DCUN1D4: variants seen among roughly 807,000 people sequenced by gnomAD.
DCUN1D4 encodes DCN1-like protein 4.
Under a neutral mutation model 47.9 loss-of-function variants are expected in DCUN1D4, and 22 were observed. That is an observed-to-expected ratio of 0.46 (90% CI 0.33 to 0.66). The LOEUF (loss-of-function observed/expected upper bound fraction) is 0.66, where lower values mean the gene tolerates loss of function less well. DCUN1D4 is among the 30% of genes least tolerant of loss of function. The pLI, the probability that DCUN1D4 is intolerant of heterozygous loss-of-function variation, is 0.02. For missense variants in DCUN1D4, 301 were observed against 340.8 expected, an observed-to-expected ratio of 0.88 and a Z score of 0.92; for synonymous variants, 121 against 112.2, an observed-to-expected ratio of 1.08 and a Z score of -0.50.
chr4:51,908,086 A>G (rs1733164620), intron 8 of DCUN1D4, among the ~76,000 whole-genome samples: 1 of 152,224 alleles, frequency 6.6e-6, no homozygotes, highest in Admixed American at 6.5e-5. Flanking sequence ...AATATAACGT[A>G]GAATATTTAG....
At chr4:51,839,990 T>G (rs995166741), upstream of DCUN1D4, among the ~76,000 whole-genome samples, 4 of 152,180 alleles carry the variant, frequency 2.6e-5, no homozygotes, top group Non-Finnish European at 4.4e-5. Flanking sequence ...AAAATTAATA[T>G]TGTATGACTA....
chr4:51,912,328 A>G (rs1176525480), intron 9 of DCUN1D4, among the ~76,000 whole-genome samples: 1 of 152,184 alleles, frequency 6.6e-6, no homozygotes, highest in Non-Finnish European at 1.5e-5. Flanking sequence ...TTCCAGGTGC[A>G]TCATCAACTG....
At chr4:51,883,475 A>G (rs976847990) in intron 5 of DCUN1D4, among the ~76,000 whole-genome samples, 2 of 152,248 alleles carry the variant, frequency 1.3e-5, no homozygotes, top group Non-Finnish European at 2.9e-5. Context: ...CAAAGAAAGC[A>G]GGCAATATAT....
intron 1 of DCUN1D4, among the ~76,000 whole-genome samples, chr4:51,858,758 G>A (rs976101427): frequency 4.6e-5 from 7 of 152,164 alleles, no homozygotes; most frequent in Admixed American, 2.0e-4. Flanking sequence ...GCAAACAATG[G>A]CCCATGGGGC....
intron 5 of DCUN1D4, among the ~76,000 whole-genome samples, chr4:51,881,660 T>TA (rs534474397): frequency 0.017 from 1,826 of 109,930 alleles, 10 homozygotes; most frequent in African/African-American, 0.025. Flanking sequence ...AGATACAAGT[T>TA]AAAAAAAAAA....
At chr4:51,886,979 T>C (rs1027218453) in intron 6 of DCUN1D4, 10 of 422,062 alleles carry the variant, frequency 2.4e-5, no homozygotes, top group African/African-American at 1.4e-4. Context: ...CCCTCAGTAG[T>C]TGTTTTAGCC....
chr4:51,880,845 A>G (rs899484942), intron 5 of DCUN1D4, among the ~76,000 whole-genome samples: 3 of 152,164 alleles, frequency 2.0e-5, no homozygotes, highest in Admixed American at 6.5e-5. Flanking sequence ...AATGAAGACA[A>G]CCAGGCTGGG....
intron 7 of DCUN1D4, among the ~76,000 whole-genome samples, chr4:51,892,620 A>G (rs1182493070): frequency 6.6e-6 from 1 of 152,242 alleles, no homozygotes; most frequent in Non-Finnish European, 1.5e-5. Context: ...GACCCAGGAT[A>G]AGAAAAATCA....
chr4:51,862,438 C>T (rs1725214958), intron 1 of DCUN1D4, among the ~76,000 whole-genome samples: 1 of 152,224 alleles, frequency 6.6e-6, no homozygotes, highest in Non-Finnish European at 1.5e-5. Flanking sequence ...GTAGCACCTG[C>T]TCTTTGGATC....
chr4:51,876,463 A>T (rs181984705), intron 4 of DCUN1D4, among the ~76,000 whole-genome samples: 2 of 152,266 alleles, frequency 1.3e-5, no homozygotes, highest in African/African-American at 4.8e-5. Flanking sequence ...AGATATACCT[A>T]ATGTTAAATG....
At chr4:51,882,807 A>G (rs1314531002) in intron 5 of DCUN1D4, among the ~76,000 whole-genome samples, 2 of 152,158 alleles carry the variant, frequency 1.3e-5, no homozygotes, top group East Asian at 3.8e-4. Context: ...TTGCACAGAA[A>G]GAGCTTTTTT....
At chr4:51,844,452 C>T (rs1430474941) in intron 1 of DCUN1D4, 2 of 967,788 alleles carry the variant, frequency 2.1e-6, no homozygotes, top group Non-Finnish European at 1.2e-6. Context: ...GGCAGGGGTG[C>T]GGGCTGCGGG....
chr4:51,848,135 A>C, intron 1 of DCUN1D4: 1 of 1,176,208 alleles, frequency 8.5e-7, no homozygotes, highest in Non-Finnish European at 1.1e-6. Flanking sequence ...GCTTTCACCT[A>C]CTCATTCTTT....
chr4:51,900,771 T>G (rs1016832730), intron 8 of DCUN1D4, among the ~76,000 whole-genome samples: 4 of 149,490 alleles, frequency 2.7e-5, no homozygotes, highest in African/African-American at 4.9e-5. Context: ...ATTTCATGAG[T>G]TTTTTTTTTC....
upstream of DCUN1D4, among the ~76,000 whole-genome samples, chr4:51,840,645 T>C (rs1721605226): frequency 6.6e-6 from 1 of 152,202 alleles, no homozygotes; most frequent in African/African-American, 2.4e-5. Flanking sequence ...AGGGGTATGG[T>C]TAACCAGTGC....
chr4:51,896,870 G>A (rs1360134209), intron 7 of DCUN1D4, among the ~76,000 whole-genome samples: 3 of 152,168 alleles, frequency 2.0e-5, no homozygotes, highest in African/African-American at 7.2e-5. Context: ...TTCCTAGGAT[G>A]TAATTTTAAA....
intron 6 of DCUN1D4, among the ~76,000 whole-genome samples, chr4:51,889,950 A>T (rs1420122010): frequency 6.6e-6 from 1 of 152,230 alleles, no homozygotes; most frequent in East Asian, 1.9e-4. Flanking sequence ...ATCCAAAAAA[A>T]ACCTAATGAC....
chr4:51,884,166 ATTTGC>A (rs1166313422), intron 5 of DCUN1D4, among the ~76,000 whole-genome samples: 14 of 152,238 alleles, frequency 9.2e-5, no homozygotes, highest in Admixed American at 2.0e-4. Context: ...AGAAAAAAGT[ATTTGC>A]TTTGGCCAGA....
intron 1 of DCUN1D4, among the ~76,000 whole-genome samples, chr4:51,856,552 G>A (rs1324558543): frequency 6.6e-6 from 1 of 152,172 alleles, no homozygotes; most frequent in Non-Finnish European, 1.5e-5. Context: ...ATTACAGAGT[G>A]TAAAGTTAGA....
Sources: gnomAD v4.1 joint callset for allele counts (sites outside exome capture counted in the v4.1 genomes callset) on GRCh38, gnomAD v4.1.1 for gene constraint, MANE v1.5 for transcripts, NCBI Gene and HGNC (gene_info 2026-07-23, HGNC 2026-07-21) for gene names.